Variants in IPMK observed in about 807,000 individuals in gnomAD.
IPMK encodes inositol polyphosphate multikinase, also known as inositol 1,3,4,6-tetrakisphosphate 5-kinase.
A neutral mutation model predicts 45.8 loss-of-function variants in IPMK; 17 were observed. The observed-to-expected ratio is 0.37, with a 90% CI of 0.25 to 0.56. IPMK has a LOEUF of 0.56. Among genes scored for constraint, IPMK ranks in the 20% least tolerant of loss-of-function variants. IPMK has a pLI of 0.79. For synonymous variants in IPMK, 180 were observed against 184.3 expected (o/e 0.98, Z 0.19); for missense variants, 399 against 498.0 (o/e 0.80, Z 1.89).
At chr10:58,222,405 A>G (rs1224508765) in intron 3 of IPMK, among the ~76,000 whole-genome samples, 1 of 152,228 alleles carries the variant, frequency 6.6e-6, no homozygotes, top group African/African-American at 2.4e-5. Flanking sequence ...TATCATAAAG[A>G]TAGCACAATT....
chr10:58,244,520 G>A (rs1053279623), intron 1 of IPMK, among the ~76,000 whole-genome samples: 1 of 152,216 alleles, frequency 6.6e-6, no homozygotes, highest in Non-Finnish European at 1.5e-5. Flanking sequence ...CGTCTGGGAA[G>A]TGTACCCAAC....
In IPMK at chr10:58,193,511, T is replaced by A. The variant is rs1321448997; in HGVS notation, c.*2565A>T. The A allele has an allele frequency of 1.3e-5, 2 of 151,888 alleles. No homozygotes were observed. Among genetic ancestry groups the A allele is most frequent in the Non-Finnish European group, 3.0e-5 (2 of 67,770 alleles). The allele number at this position is 151,888 out of a possible 1,614,324, so 9.4% of individuals were successfully genotyped here. A position where few individuals can be genotyped will look rare whatever the true frequency, so the allele number is the denominator to read the frequency against. On this transcript the variant is annotated 3_prime_UTR_variant, in exon 6 of 6. Coordinates refer to ENST00000373935, the MANE Select transcript of IPMK (RefSeq NM_152230.5). ...ATTGATTTTAATTTATTTGAATCTA[T>A]GCAATGTCTATCCATATTAAAATAT...
chr10:58,227,842 A>G (rs988456418), intron 2 of IPMK, among the ~76,000 whole-genome samples: 3 of 152,112 alleles, frequency 2.0e-5, no homozygotes, highest in African/African-American at 7.2e-5. Flanking sequence ...AATGGCATGT[A>G]AGACATGTTA....
At chr10:58,246,208 C>T (rs1264466209) in intron 1 of IPMK, among the ~76,000 whole-genome samples, 16 of 147,832 alleles carry the variant, frequency 1.1e-4, no homozygotes, top group East Asian at 2.1e-4. Context: ...GAATCAATAT[C>T]GTGAAAATGG....
chr10:58,203,255 G>A (rs778080831), intron 4 of IPMK, among the ~76,000 whole-genome samples: 2 of 152,210 alleles, frequency 1.3e-5, no homozygotes, highest in Non-Finnish European at 2.9e-5. Flanking sequence ...CTGAAGATGT[G>A]ACTGAATTGC....
At chr10:58,201,440 T>C (rs923583413) in intron 4 of IPMK, among the ~76,000 whole-genome samples, 3 of 152,162 alleles carry the variant, frequency 2.0e-5, no homozygotes, top group Non-Finnish European at 4.4e-5. Flanking sequence ...GTTACTCCTG[T>C]GATTATTTTG....
chr10:58,267,855 GC>G lies in IPMK; in HGVS notation c.-245del, dbSNP rs1839179153. 2.2e-6 allele frequency: 1 copy of G among 460,222 alleles called. No homozygotes were observed. The highest frequency in any genetic ancestry group is 3.8e-6 in the Non-Finnish European group (1 of 261,992). The allele number at this position is 460,222 out of a possible 1,614,324, so 28.5% of individuals were successfully genotyped here. A position where few individuals can be genotyped will look rare whatever the true frequency, so the allele number is the denominator to read the frequency against. On this transcript the variant is annotated 5_prime_UTR_variant, in exon 1 of 6. Transcript: ENST00000373935. ...TGTTCCTCTGCCGCCGCAGCCGCCG[GC>G]CCCGGCGCTGCCCGGTAGACAGAAC...
rs1472874747 is a variant in IPMK at position 58,227,127 on chromosome 10, C to T, written c.289G>A (p.Asp97Asn). The stretch of plus-strand genomic sequence containing the variant: ...TCTAGAAGAACACCATCAAAACAGT[C>T]AGCAGCATAAACCTGAAACAGAGAA... ...LEFYNMVYAA[D>N]CFDGVLLELR... The change falls in exon 3 of 6, where the codon GAC becomes AAC. Residue 97 changes from aspartate to asparagine, a missense_variant. Coordinates refer to ENST00000373935, the MANE Select transcript of IPMK (RefSeq NM_152230.5). The T allele has an allele frequency of 6.2e-7, 1 of 1,612,166 alleles. No individual in the cohort carries two copies. The highest frequency in any genetic ancestry group is 8.5e-7 in the Non-Finnish European group (1 of 1,178,852).
At position 58,245,091 on chromosome 10, in the gene IPMK, A is replaced by T. The variant is rs1838776715; in HGVS notation, c.191-7277T>A. ...ATAAACAAATTAAAATAAAAAAATT[A>T]AAAAATACAAAAAGGAAAATTATGT... On this transcript the variant is annotated intron_variant, in intron 1 of 5. Transcript: ENST00000373935. 2.0e-5 allele frequency among the ~76,000 whole-genome samples: 3 copies of T among 151,214 alleles called. No individual in the cohort carries two copies. The South Asian group carries it at 6.2e-4, about 31-fold the overall frequency.
rs547263061 is a variant in IPMK at position 58,226,114 on chromosome 10, A to G, written c.373+929T>C. 2.0e-5 allele frequency among the ~76,000 whole-genome samples: 3 copies of G among 152,288 alleles called. No homozygotes were observed. The South Asian group carries it at 6.2e-4, about 32-fold the overall frequency. On this transcript the variant is annotated intron_variant, in intron 3 of 5. Coordinates refer to ENST00000373935, the MANE Select transcript of IPMK (RefSeq NM_152230.5). The stretch of plus-strand genomic sequence containing the variant: ...TCATAAATACTCAAGGGAGCCATCA[A>G]TTTACTATCAGCTAGCTGAGGATAC...
At chr10:58,246,795 T>G (rs1398207410) in intron 1 of IPMK, among the ~76,000 whole-genome samples, 3 of 151,928 alleles carry the variant, frequency 2.0e-5, no homozygotes, top group African/African-American at 7.3e-5. Context: ...AAAGCCAAAA[T>G]TGACAAATGG....
intron 3 of IPMK, among the ~76,000 whole-genome samples, chr10:58,225,791 C>T (rs1258992040): frequency 6.6e-6 from 1 of 152,010 alleles, no homozygotes; most frequent in Non-Finnish European, 1.5e-5. Flanking sequence ...TTTCCTTTAT[C>T]TCATTTATAG....
At chr10:58,265,960 G>A (rs80297201) in intron 1 of IPMK, among the ~76,000 whole-genome samples, 268 of 152,216 alleles carry the variant, frequency 1.8e-3, no homozygotes, top group Non-Finnish European at 3.3e-3. Flanking sequence ...CAGGCATCTA[G>A]AATATTATTA....
chr10:58,200,165 C>G (rs1837976607), intron 4 of IPMK, among the ~76,000 whole-genome samples: 1 of 152,124 alleles, frequency 6.6e-6, no homozygotes, highest in South Asian at 2.1e-4. Context: ...GTTGCCCAGG[C>G]TGGAGTGCAG....
chr10:58,245,042 T>C (rs1350449899), intron 1 of IPMK, among the ~76,000 whole-genome samples: 1 of 107,056 alleles, frequency 9.3e-6, no homozygotes, highest in Non-Finnish European at 1.8e-5. Context: ...GATCAATAAA[T>C]ACTAAAAAAA....
chr10:58,199,543 T>C (rs1432547202), intron 4 of IPMK, among the ~76,000 whole-genome samples: 1 of 152,218 alleles, frequency 6.6e-6, no homozygotes, highest in Non-Finnish European at 1.5e-5. Flanking sequence ...TAAGGATAGA[T>C]GAATATTTCC....
chr10:58,197,378 C>T (rs1000632675), intron 5 of IPMK, among the ~76,000 whole-genome samples: 4 of 130,824 alleles, frequency 3.1e-5, no homozygotes, highest in Non-Finnish European at 1.6e-5. Context: ...AGGCCGGGTG[C>T]GGTGGCTCAC....
chr10:58,210,669 G>A (rs61875332), intron 4 of IPMK, among the ~76,000 whole-genome samples: 3 of 152,148 alleles, frequency 2.0e-5, no homozygotes, highest in East Asian at 1.9e-4. Flanking sequence ...TACATTTTAC[G>A]TGGCCCCCTA....
chr10:58,199,926 ACCCCATTTATAAAATGTAAC>A (rs1837972984), intron 4 of IPMK, among the ~76,000 whole-genome samples: 1 of 152,156 alleles, frequency 6.6e-6, no homozygotes, highest in Non-Finnish European at 1.5e-5. Context: ...GTAATGAAAG[ACCCCATTTATAAAATGTAAC>A]CCCCAAAGAA....
Sources: gnomAD v4.1 joint callset for allele counts (sites outside exome capture counted in the v4.1 genomes callset) on GRCh38, gnomAD v4.1.1 for gene constraint, MANE v1.5 for transcripts, NCBI Gene and HGNC (gene_info 2026-07-23, HGNC 2026-07-21) for gene names.